Variants in PAK5 observed in about 807,000 individuals in gnomAD.
PAK5 encodes the protein p21 (RAC1) activated kinase 5.
Under a neutral mutation model 65.9 loss-of-function variants are expected in PAK5, and 16 were observed. The ratio of observed to expected loss-of-function variants is 0.24; its 90% confidence interval spans 0.16 to 0.37. The LOEUF (loss-of-function observed/expected upper bound fraction) is 0.37. Among genes scored for constraint, PAK5 ranks in the 10% least tolerant of loss-of-function variants. PAK5 has a pLI of 1.00. For synonymous variants in PAK5, 371 were observed against 354.9 expected, an observed-to-expected ratio of 1.05 and a Z score of -0.51; for missense variants, 785 against 903.9, an observed-to-expected ratio of 0.87 and a Z score of 1.69.
intron 3 of PAK5, among the ~76,000 whole-genome samples, chr20:9,581,730 A>G (rs2045983849): frequency 6.6e-6 from 1 of 152,206 alleles, no homozygotes; most frequent in African/African-American, 2.4e-5. Context: ...AATACCAGGA[A>G]CTGAAAGACA....
At chr20:9,787,782 T>C (rs971701330) in intron 1 of PAK5, among the ~76,000 whole-genome samples, 5 of 152,062 alleles carry the variant, frequency 3.3e-5, no homozygotes, top group African/African-American at 1.2e-4. Flanking sequence ...GTACAGTGTT[T>C]CCCTCATACA....
chr20:9,576,458 G>A (rs1216408260), intron 4 of PAK5, among the ~76,000 whole-genome samples: 1 of 152,090 alleles, frequency 6.6e-6, no homozygotes, highest in Non-Finnish European at 1.5e-5. Flanking sequence ...GAGGGGAACG[G>A]CCATGGATGC....
intron 1 of PAK5, among the ~76,000 whole-genome samples, chr20:9,805,093 A>G (rs1227440433): frequency 1.3e-5 from 2 of 152,216 alleles, no homozygotes; most frequent in African/African-American, 4.8e-5. Flanking sequence ...TCCCAAAAAA[A>G]TACAAATGGC....
intron 1 of PAK5, among the ~76,000 whole-genome samples, chr20:9,831,713 G>T (rs1978731489): frequency 6.6e-6 from 1 of 152,108 alleles, no homozygotes; most frequent in Non-Finnish European, 1.5e-5. Flanking sequence ...TTGCCATGTT[G>T]CTCAGCCTGG....
At chr20:9,807,589 A>G (rs6133750) in intron 1 of PAK5, among the ~76,000 whole-genome samples, 28,229 of 151,788 alleles carry the variant, frequency 0.19, 2,983 homozygotes, top group East Asian at 0.51. Flanking sequence ...CAAAAAGTTG[A>G]AATAAACTTA....
rs567799951 is a variant in PAK5 at position 9,791,617 on chromosome 20, G to A, written c.-162+47145C>T. On this transcript the variant is annotated intron_variant, in intron 1 of 9. Transcript: ENST00000353224. ...GATTTGGACCTGACTCTCAATGAGA[G>A]CAGTAAATAATTCAGGCACTGGTGA... Among the ~76,000 whole-genome samples, 4 of 152,244 alleles carry A rather than the reference G, an allele frequency of 2.6e-5. No homozygotes were observed. The East Asian group carries it at 7.7e-4, about 29-fold the overall frequency.
intron 2 of PAK5, among the ~76,000 whole-genome samples, chr20:9,663,937 T>C (rs1569027723): frequency 6.6e-6 from 1 of 152,164 alleles, no homozygotes. Context: ...TAAATTGAGG[T>C]ATATTCCTAC....
chr20:9,589,892 C>A (rs2123057676), intron 3 of PAK5, among the ~76,000 whole-genome samples: 1 of 152,122 alleles, frequency 6.6e-6, no homozygotes, highest in Middle Eastern at 3.4e-3. Context: ...CTGGTCTCAG[C>A]AAACTTAGGT....
Position 9,540,802 on chromosome 20 carries a change from T to A in PAK5, c.2005-1185A>T, listed in dbSNP as rs371810523. ...CCTAGGCTGGAGTGCAGTGGTGCGA[T>A]CTGGGCTCACTGCAAGCTCTGCCTC... On this transcript the variant is annotated intron_variant, in intron 9 of 9. Transcript: ENST00000353224. Among the ~76,000 whole-genome samples the A allele has an allele frequency of 4.3e-3, 658 of 151,852 alleles. 6 individuals carry two copies. The highest frequency in any genetic ancestry group is 0.015 in the African/African-American group (627 of 41,366).
chr20:9,729,163 G>C (rs567827995), intron 1 of PAK5, among the ~76,000 whole-genome samples: 89 of 151,986 alleles, frequency 5.9e-4, no homozygotes, highest in African/African-American at 2.1e-3. Flanking sequence ...TGAACCCAGG[G>C]GGTGGAGCTT....
At position 9,566,109 on chromosome 20, in the gene PAK5, C is replaced by G. The variant is rs1050755090; in HGVS notation, c.1266G>C (p.Gln422His). ...GTTCATGGGACACCCTGGAGGGCTGCTGGTCGGAGGAGGAGCCCCAGCTGG... is the reference window on the plus strand; with the variant it reads ...GTTCATGGGACACCCTGGAGGGCTGGTGGTCGGAGGAGGAGCCCCAGCTGG... ...PPPSWGSSSD[Q>H]QPSRVSHEQF... is the part of the protein sequence containing the mutation. The change falls in exon 5 of 10, where the codon CAG becomes CAC. Residue 422 changes from glutamine to histidine, a missense_variant. Coordinates refer to ENST00000353224, the MANE Select transcript of PAK5 (RefSeq NM_177990.4). The G allele has an allele frequency of 1.2e-6, 2 of 1,613,814 alleles. No homozygotes were observed. The highest frequency in any genetic ancestry group is 2.2e-5 in the East Asian group (1 of 44,828).
At chr20:9,743,038 T>G (rs1001126035) in intron 1 of PAK5, among the ~76,000 whole-genome samples, 1 of 152,184 alleles carries the variant, frequency 6.6e-6, no homozygotes, top group African/African-American at 2.4e-5. Context: ...GAATGGACTT[T>G]AGTCATGTAG....
intron 2 of PAK5, among the ~76,000 whole-genome samples, chr20:9,701,926 G>A (rs1252381412): frequency 6.6e-6 from 1 of 152,034 alleles, no homozygotes; most frequent in Non-Finnish European, 1.5e-5. Context: ...CTTGAGCCCA[G>A]GAGCTTGAAG....
At chr20:9,800,589 G>C (rs1480261028) in intron 1 of PAK5, among the ~76,000 whole-genome samples, 1 of 152,052 alleles carries the variant, frequency 6.6e-6, no homozygotes, top group African/African-American at 2.4e-5. Context: ...TGGTACTACT[G>C]TTTGAATTTA....
chr20:9,556,999 C>A (rs2045517336), intron 7 of PAK5, among the ~76,000 whole-genome samples: 1 of 152,128 alleles, frequency 6.6e-6, no homozygotes, highest in Non-Finnish European at 1.5e-5. Context: ...ATCAGAGCAC[C>A]CTCCAGGCAG....
At chr20:9,577,393 G>A (rs141089580) in intron 4 of PAK5, 3 of 150,828 alleles carry the variant, frequency 2.0e-5, no homozygotes, top group Non-Finnish European at 2.9e-5. Flanking sequence ...ACACACACAC[G>A]TGTGTACACA....
chr20:9,826,681 T>C (rs2049488429), intron 1 of PAK5, among the ~76,000 whole-genome samples: 1 of 152,192 alleles, frequency 6.6e-6, no homozygotes, highest in African/African-American at 2.4e-5. Flanking sequence ...TCGCTTTGAT[T>C]TATTTCTCTC....
At chr20:9,576,180 T>C (rs2045881959) in intron 4 of PAK5, among the ~76,000 whole-genome samples, 1 of 152,226 alleles carries the variant, frequency 6.6e-6, no homozygotes, top group South Asian at 2.1e-4. Flanking sequence ...ACGGGCTGTC[T>C]TTATCCTTAT....
rs2047212711 is a variant in PAK5, at chr20:9,652,315, G to A, written c.-11-7976C>T. Among the ~76,000 whole-genome samples, 3 of 152,072 alleles carry A rather than the reference G, an allele frequency of 2.0e-5. No homozygotes were observed. In the South Asian group the frequency reaches 6.2e-4, roughly 32 times the overall value. On this transcript the variant is annotated intron_variant, in intron 2 of 9. Transcript: ENST00000353224. ...AGAATCAAGAACAAAAGATTCTCCAGTCTTTTAGCTATGCTGATTTTAGGG... is the reference window on the plus strand; with the variant it reads ...AGAATCAAGAACAAAAGATTCTCCAATCTTTTAGCTATGCTGATTTTAGGG...
Sources: gnomAD v4.1 joint callset for allele counts (sites outside exome capture counted in the v4.1 genomes callset) on GRCh38, gnomAD v4.1.1 for gene constraint, MANE v1.5 for transcripts, NCBI Gene and HGNC (gene_info 2026-07-23, HGNC 2026-07-21) for gene names.